The following NAALADL2 variants were observed in gnomAD, a reference collection of about 807,000 sequenced individuals.
NAALADL2 encodes inactive N-acetylated-alpha-linked acidic dipeptidase-like protein 2.
In NAALADL2, 76 loss-of-function variants were observed where a neutral mutation model predicts 87.2. That is an observed-to-expected ratio of 0.87 (90% CI 0.72 to 1.05). The LOEUF (loss-of-function observed/expected upper bound fraction) is 1.05. Ranked by LOEUF, NAALADL2 falls within the 50% of genes least tolerant of loss-of-function variation. NAALADL2 has a pLI of 0.00. For synonymous variants in NAALADL2, 354 were observed against 331.0 expected, an observed-to-expected ratio of 1.07 and a Z score of -0.75; for missense variants, 1,089 against 945.8, an observed-to-expected ratio of 1.15 and a Z score of -1.99.
intron 11 of NAALADL2, among the ~76,000 whole-genome samples, chr3:175,732,874 AG>A (rs1743966261): frequency 9.7e-6 from 1 of 102,666 alleles, no homozygotes; most frequent in Non-Finnish European, 1.9e-5. Context: ...TGTACATGGG[AG>A]GGGAACAACA....
chr3:174,575,412 T>A (rs578101162), intron 2 of NAALADL2, among the ~76,000 whole-genome samples: 1 of 152,192 alleles, frequency 6.6e-6, no homozygotes. Context: ...CATTTGACTA[T>A]GTGACTACTC....
chr3:175,259,188 T>C (rs1750592554), intron 4 of NAALADL2, among the ~76,000 whole-genome samples: 1 of 152,152 alleles, frequency 6.6e-6, no homozygotes, highest in Admixed American at 6.5e-5. Context: ...TCCTACCCAC[T>C]GAACCTCTAA....
intron 2 of NAALADL2, among the ~76,000 whole-genome samples, chr3:174,629,067 A>G (rs1455414941): frequency 2.0e-5 from 3 of 152,186 alleles, no homozygotes; most frequent in Non-Finnish European, 4.4e-5. Flanking sequence ...AAACCCTCAA[A>G]AGTCAGCCTT....
chr3:174,840,508 GAATA>G (rs886705000), intron 3 of NAALADL2, among the ~76,000 whole-genome samples: 2 of 152,082 alleles, frequency 1.3e-5, no homozygotes, highest in African/African-American at 2.4e-5. Flanking sequence ...AGGATACATG[GAATA>G]AATATTTAAA....
chr3:174,831,966 A>G (rs1041120830), intron 3 of NAALADL2, among the ~76,000 whole-genome samples: 12 of 151,438 alleles, frequency 7.9e-5, no homozygotes, highest in Non-Finnish European at 1.6e-4. Flanking sequence ...CCCCTTTATC[A>G]TTTTTTATTG....
intron 1 of NAALADL2, among the ~76,000 whole-genome samples, chr3:174,958,739 A>C (rs895145400): frequency 1.3e-5 from 2 of 152,082 alleles, no homozygotes; most frequent in African/African-American, 4.8e-5. Context: ...AATTTGTGAT[A>C]AATTTTAATT....
At chr3:175,586,562 G>T (rs1341612178) in intron 10 of NAALADL2, among the ~76,000 whole-genome samples, 1 of 152,130 alleles carries the variant, frequency 6.6e-6, no homozygotes, top group Non-Finnish European at 1.5e-5. Context: ...CTAATATTCT[G>T]TTACAAGTGA....
intron 3 of NAALADL2, among the ~76,000 whole-genome samples, chr3:175,250,686 A>G (rs1262790978): frequency 6.6e-6 from 1 of 152,194 alleles, no homozygotes; most frequent in Non-Finnish European, 1.5e-5. Context: ...AATTCTAGTC[A>G]TATAAGTTGG....
chr3:174,906,984 A>C (rs1340682938), intron 1 of NAALADL2, among the ~76,000 whole-genome samples: 1 of 152,040 alleles, frequency 6.6e-6, no homozygotes, highest in Non-Finnish European at 1.5e-5. Flanking sequence ...ATCCTTTTTA[A>C]AAATCAGATG....
chr3:174,472,160 G>C (rs1716944892), intron 1 of NAALADL2, among the ~76,000 whole-genome samples: 1 of 152,130 alleles, frequency 6.6e-6, no homozygotes, highest in South Asian at 2.1e-4. Context: ...CTAGGACTGA[G>C]GAGTTATAAT....
chr3:175,146,174 CAT>C (rs1730726551), intron 2 of NAALADL2, among the ~76,000 whole-genome samples: 1 of 151,992 alleles, frequency 6.6e-6, no homozygotes, highest in Non-Finnish European at 1.5e-5. Flanking sequence ...AAATTTGGCT[CAT>C]GTGTGTCTGT....
In NAALADL2 at chr3:175,362,455, G is replaced by A. The variant is rs527682885; in HGVS notation, c.1090+38130G>A. 1.6e-4 allele frequency among the ~76,000 whole-genome samples: 23 copies of A among 148,094 alleles called. 2 individuals are homozygous for A. The highest frequency in any genetic ancestry group is 5.2e-4 in the African/African-American group (21 of 40,758). On this transcript the variant is annotated intron_variant, in intron 5 of 13. Coordinates refer to ENST00000454872, the MANE Select transcript of NAALADL2 (RefSeq NM_207015.3). ...GCATTGAATCTATAAATTACCTTGG[G>A]CAGTTATGGCCATTTTCATGGTATT...
chr3:175,701,882 G>A (rs909231889), intron 11 of NAALADL2, among the ~76,000 whole-genome samples: 31 of 152,164 alleles, frequency 2.0e-4, no homozygotes, highest in African/African-American at 5.3e-4. Context: ...TTTTTGTTGC[G>A]AATTGCATAT....
chr3:175,601,471 A>C (rs1220642473), intron 10 of NAALADL2, among the ~76,000 whole-genome samples: 1 of 152,174 alleles, frequency 6.6e-6, no homozygotes, highest in Non-Finnish European at 1.5e-5. Context: ...AATATAATGC[A>C]TGTGTCAGGA....
At chr3:175,328,700 T>C (rs1214918546) in intron 5 of NAALADL2, among the ~76,000 whole-genome samples, 1 of 152,136 alleles carries the variant, frequency 6.6e-6, no homozygotes, top group Non-Finnish European at 1.5e-5. Context: ...CTGAGGTAAA[T>C]TGGGCATCCA....
intron 1 of NAALADL2, among the ~76,000 whole-genome samples, chr3:174,906,513 G>A (rs1732975201): frequency 6.6e-6 from 1 of 152,064 alleles, no homozygotes; most frequent in Non-Finnish European, 1.5e-5. Context: ...AGTACCCTCT[G>A]GATAGGCCTA....
chr3:174,907,137 T>C (rs1733077311), intron 1 of NAALADL2, among the ~76,000 whole-genome samples: 1 of 152,120 alleles, frequency 6.6e-6, no homozygotes, highest in Non-Finnish European at 1.5e-5. Flanking sequence ...AATCAAACTC[T>C]TTCTCAGCAG....
intron 1 of NAALADL2, among the ~76,000 whole-genome samples, chr3:174,527,273 C>T (rs765422349): frequency 7.9e-5 from 12 of 152,030 alleles, no homozygotes; most frequent in Non-Finnish European, 8.8e-5. Context: ...GCAATCCCAG[C>T]ACTTTGGGAG....
chr3:175,676,034 T>C (rs1004738690), intron 11 of NAALADL2: 3 of 152,090 alleles, frequency 2.0e-5, no homozygotes, highest in African/African-American at 7.2e-5. Context: ...ATGTCTTACA[T>C]GATACATAAT....
Sources: gnomAD v4.1 joint callset for allele counts (sites outside exome capture counted in the v4.1 genomes callset) on GRCh38, gnomAD v4.1.1 for gene constraint, MANE v1.5 for transcripts, NCBI Gene and HGNC (gene_info 2026-07-23, HGNC 2026-07-21) for gene names.